PCDHA8: variants seen among roughly 807,000 people sequenced by gnomAD.
PCDHA8 encodes the protein protocadherin alpha-8.
PCDHA8 carries 53 observed loss-of-function variants against 61.8 expected under a neutral mutation model. The observed-to-expected ratio is 0.86, with a 90% CI of 0.69 to 1.08. The LOEUF (loss-of-function observed/expected upper bound fraction) is 1.08. Among genes scored for constraint, PCDHA8 ranks in the 50% least tolerant of loss-of-function variants. The probability of loss-of-function intolerance (pLI) is 0.00; values close to 1 mark genes in which losing one functional copy is unlikely to be tolerated. For missense variants in PCDHA8, 1,293 were observed against 1,245.0 expected (o/e 1.04, Z -0.58); for synonymous variants, 618 against 556.6 (o/e 1.11, Z -1.55).
chr5:140,856,140 A>G lies in PCDHA8; in HGVS notation c.2394+12425A>G, dbSNP rs782672623. Reference sequence around the variant, plus strand: ...TGGGAGGTGGGGAGCGGCCAGCTCCACTACTCAGTCTACGAGGAGGCCAGA... The same window carrying G: ...TGGGAGGTGGGGAGCGGCCAGCTCCGCTACTCAGTCTACGAGGAGGCCAGA... On this transcript the variant is annotated intron_variant, in intron 1 of 3. Transcript: ENST00000531613. 4.4e-6 allele frequency: 7 copies of G among 1,598,030 alleles called. 1 individual carries two copies. The African/African-American group carries it at 8.1e-5, about 18-fold the overall frequency.
At chr5:140,877,334 C>T (rs375199455) in intron 1 of PCDHA8, 1 of 1,614,002 alleles carries the variant, frequency 6.2e-7, no homozygotes, top group Non-Finnish European at 8.5e-7. Flanking sequence ...GCGCACATCC[C>T]GTTCCACGTG....
At chr5:140,990,628 G>A (rs1380038956) in intron 3 of PCDHA8, among the ~76,000 whole-genome samples, 1 of 152,154 alleles carries the variant, frequency 6.6e-6, no homozygotes, top group African/African-American at 2.4e-5. Flanking sequence ...TCTGTGGTAA[G>A]ACTAGAAGCC....
rs2098417673 is a variant in PCDHA8, at chr5:141,010,569, T to C, written c.*632T>C. ...AAAACTACCCCCACTGACAAGGCTT[T>C]AGGAGACCCTAAAGTCTGTTGGCTG... On this transcript the variant is annotated 3_prime_UTR_variant, in exon 4 of 4. Transcript: ENST00000531613. 1.4e-5 allele frequency: 4 copies of C among 283,140 alleles called. No individual in the cohort carries two copies. The South Asian group carries it at 2.4e-4, about 17-fold the overall frequency. The allele number at this position is 283,140 out of a possible 1,614,324, so 17.5% of individuals were successfully genotyped here.
intron 1 of PCDHA8, among the ~76,000 whole-genome samples, chr5:140,941,207 C>CTTCCTTTCTT (rs1563185091): frequency 3.9e-5 from 4 of 103,272 alleles, no homozygotes; most frequent in African/African-American, 1.7e-4. Context: ...TTCTTCCTTT[C>CTTCCTTTCTT]TTTCTTCCTT....
rs782673935 is a variant in PCDHA8 at position 140,857,328 on chromosome 5, G to A, written c.2394+13613G>A. ...GCCTATGAGCTGGTGGTGACCGCGC[G>A]GGACGGGGGCTCGCCTCCGCTGTGG... is the stretch of plus-strand genomic sequence containing the variant. On this transcript the variant is annotated intron_variant, in intron 1 of 3. Transcript: ENST00000531613. 7.5e-6 allele frequency: 12 copies of A among 1,598,502 alleles called. 1 individual carries two copies. The highest frequency in any genetic ancestry group is 1.3e-5 in the African/African-American group (1 of 74,410).
chr5:141,008,346 C>T lies in PCDHA8; in HGVS notation c.2543-1281C>T, dbSNP rs1223206383. Among the ~76,000 whole-genome samples the T allele has an allele frequency of 2.0e-5, 3 of 152,158 alleles. No homozygotes were observed. The East Asian group carries it at 5.8e-4, about 29-fold the overall frequency. On this transcript the variant is annotated intron_variant, in intron 3 of 3. Coordinates refer to ENST00000531613, the MANE Select transcript of PCDHA8 (RefSeq NM_018911.3). ...ACAGTTTATTTGATGGAGCTTTTCA[C>T]GTGTCAACCAAAGGAGCAGTGTTAG...
chr5:140,853,960 C>G, intron 1 of PCDHA8: 2 of 730,184 alleles, frequency 2.7e-6, no homozygotes, highest in Non-Finnish European at 3.4e-6. Flanking sequence ...CTTCCTTGAG[C>G]CCAGCAGTTT....
chr5:140,886,753 G>A (rs1434667485), intron 1 of PCDHA8, among the ~76,000 whole-genome samples: 3 of 151,010 alleles, frequency 2.0e-5, no homozygotes, highest in African/African-American at 7.3e-5. Flanking sequence ...TTGAACCCGG[G>A]AGGTGGAGGT....
chr5:140,887,125 C>A (rs1391575318), intron 1 of PCDHA8, among the ~76,000 whole-genome samples: 1 of 150,082 alleles, frequency 6.7e-6, no homozygotes, highest in East Asian at 2.0e-4. Context: ...GAGACGGAGT[C>A]TCACTCTGTC....
intron 1 of PCDHA8, chr5:140,856,268 C>T: frequency 1.3e-6 from 2 of 1,598,206 alleles, no homozygotes; most frequent in Admixed American, 1.7e-5. Context: ...CGGGGACCTT[C>T]TGGAGGTAAA....
intron 1 of PCDHA8, among the ~76,000 whole-genome samples, chr5:140,907,643 A>C (rs2073513749): frequency 6.6e-6 from 1 of 152,208 alleles, no homozygotes; most frequent in African/African-American, 2.4e-5. Flanking sequence ...GCTGCTGGCA[A>C]ATTGGGCACT....
In PCDHA8 at chr5:140,875,591, A is replaced by G. The variant is rs1438500941; in HGVS notation, c.2394+31876A>G. ...CACTACTCCGTCTACGAGGAGGCCAAACACGGCACCTTCGTGGGCCGCATC... is the reference window on the plus strand; with the variant it reads ...CACTACTCCGTCTACGAGGAGGCCAGACACGGCACCTTCGTGGGCCGCATC... On this transcript the variant is annotated intron_variant, in intron 1 of 3. Coordinates refer to ENST00000531613, the MANE Select transcript of PCDHA8 (RefSeq NM_018911.3). The G allele has an allele frequency of 9.3e-6, 15 of 1,613,878 alleles. No homozygotes were observed. The highest frequency in any genetic ancestry group is 1.7e-5 in the Admixed American group (1 of 60,004).
chr5:140,877,606 G>A, intron 1 of PCDHA8: 1 of 1,613,888 alleles, frequency 6.2e-7, no homozygotes, highest in Non-Finnish European at 8.5e-7. Flanking sequence ...CAGCCTGCTG[G>A]TGCTCACGCT....
chr5:140,918,311 G>A (rs1286596595), intron 1 of PCDHA8, among the ~76,000 whole-genome samples: 2 of 152,070 alleles, frequency 1.3e-5, no homozygotes, highest in African/African-American at 4.8e-5. Context: ...GGGTTTTCTA[G>A]GTATAAAATT....
At chr5:140,877,240 G>A (rs1481558429) in intron 1 of PCDHA8, 2 of 1,613,736 alleles carry the variant, frequency 1.2e-6, no homozygotes, top group Non-Finnish European at 1.7e-6. Context: ...TGCGGGCCAC[G>A]TGGTGGCGAA....
intron 1 of PCDHA8, among the ~76,000 whole-genome samples, chr5:140,942,855 A>G (rs1323763970): frequency 6.6e-6 from 1 of 152,110 alleles, no homozygotes; most frequent in African/African-American, 2.4e-5. Flanking sequence ...TAAGATGATT[A>G]TTTTGCTTTA....
chr5:140,916,051 G>A (rs2153537424), intron 1 of PCDHA8, among the ~76,000 whole-genome samples: 1 of 152,240 alleles, frequency 6.6e-6, no homozygotes, highest in African/African-American at 2.4e-5. Context: ...ACAGGCAGAG[G>A]TGCCTCTCCC....
chr5:140,968,201 C>T, intron 1 of PCDHA8: 1 of 1,614,032 alleles, frequency 6.2e-7, no homozygotes, highest in Non-Finnish European at 8.5e-7. Context: ...CATCTACATA[C>T]AGGAGAACAA....
At chr5:140,943,670 G>A (rs1161487572) in intron 1 of PCDHA8, among the ~76,000 whole-genome samples, 1 of 152,036 alleles carries the variant, frequency 6.6e-6, no homozygotes, top group Non-Finnish European at 1.5e-5. Flanking sequence ...TGTATAAAGT[G>A]TGAAAAAAAG....
Sources: gnomAD v4.1 joint callset for allele counts (sites outside exome capture counted in the v4.1 genomes callset) on GRCh38, gnomAD v4.1.1 for gene constraint, MANE v1.5 for transcripts, NCBI Gene and HGNC (gene_info 2026-07-23, HGNC 2026-07-21) for gene names.